The following TXNDC16 variants were observed in gnomAD, a reference collection of about 807,000 sequenced individuals.
The protein encoded by TXNDC16 is thioredoxin domain containing 16, also known as thioredoxin domain-containing protein 16.
TXNDC16 carries 74 observed loss-of-function variants against 85.6 expected under a neutral mutation model. The observed-to-expected ratio is 0.86, with a 90% CI of 0.72 to 1.05. TXNDC16 has a LOEUF of 1.05. TXNDC16 is among the 50% of genes least tolerant of loss of function. The pLI is 0.00. For synonymous variants in TXNDC16, 335 were observed against 326.5 expected (o/e 1.03, Z -0.28); for missense variants, 959 against 947.0 (o/e 1.01, Z -0.17).
rs185547792 is a variant in TXNDC16, at chr14:52,452,600, T to C, written c.1842+2724A>G. Among the ~76,000 whole-genome samples, 4 of 152,268 alleles carry C rather than the reference T, an allele frequency of 2.6e-5. No individual in the cohort carries two copies. The East Asian group carries it at 7.7e-4, about 29-fold the overall frequency. On this transcript the variant is annotated intron_variant, in intron 18 of 20. Transcript: ENST00000281741. ...ATTGGGGAAAGAATAATTTCTTCAA[T>C]AAATGGTGCTGGGAAAATTGGATAT...
chr14:52,520,268 C>G (rs904746023), intron 6 of TXNDC16, among the ~76,000 whole-genome samples: 1 of 152,202 alleles, frequency 6.6e-6, no homozygotes, highest in Admixed American at 6.5e-5. Context: ...TCCGAATCAT[C>G]CTTTCAGTGT....
intron 16 of TXNDC16, among the ~76,000 whole-genome samples, chr14:52,457,542 G>A (rs188602388): frequency 6.6e-6 from 1 of 152,278 alleles, no homozygotes; most frequent in African/African-American, 2.4e-5. Context: ...GAAAAGAGAA[G>A]TAGGTATGTG....
intron 16 of TXNDC16, among the ~76,000 whole-genome samples, chr14:52,458,992 C>T (rs1482180204): frequency 6.6e-6 from 1 of 152,134 alleles, no homozygotes; most frequent in Non-Finnish European, 1.5e-5. Flanking sequence ...CATTCAAAAC[C>T]AGGCATATTC....
chr14:52,485,977 T>C (rs981332033), intron 12 of TXNDC16, among the ~76,000 whole-genome samples: 1 of 152,196 alleles, frequency 6.6e-6, no homozygotes, highest in Non-Finnish European at 1.5e-5. Context: ...AATGTTCAAC[T>C]CTTGTGAAGC....
Position 52,542,403 on chromosome 14 carries a change from G to T in TXNDC16, c.211C>A (p.Pro71Thr), listed in dbSNP as rs752515574. The change falls in exon 4 of 21, where the codon CCT becomes ACT. Residue 71 changes from proline to threonine, a missense_variant. Pro to Thr is a conservative substitution (Grantham distance 38). Transcript: ENST00000281741. ...ACTGAAATTCCATAGTCCTGCAGAG[G>T]TCTAACAGCCTCATTCAGTTCTTCA... ...FLEELNEAVR[P>T]LQDYGISVAK... The T allele has an allele frequency of 6.2e-7, 1 of 1,612,428 alleles. No homozygotes were observed. Among genetic ancestry groups the T allele is most frequent in the African/African-American group, 1.3e-5 (1 of 74,944 alleles).
intron 16 of TXNDC16, among the ~76,000 whole-genome samples, chr14:52,457,978 T>C (rs1483165028): frequency 6.6e-6 from 1 of 152,156 alleles, no homozygotes; most frequent in African/African-American, 2.4e-5. Flanking sequence ...ATTCAATTCA[T>C]ACATGAAAGA....
chr14:52,462,742 C>G, intron 16 of TXNDC16: 1 of 351,518 alleles, frequency 2.8e-6, no homozygotes, highest in Non-Finnish European at 5.5e-6. Context: ...TTAGAGAGTC[C>G]TCATTTTTAA....
intron 10 of TXNDC16, 31 bp from the exon 11 acceptor site, chr14:52,490,482 T>C (rs1177093472): frequency 6.5e-7 from 1 of 1,527,192 alleles, no homozygotes; most frequent in Non-Finnish European, 8.9e-7. Flanking sequence ...ATGTTTTATG[T>C]TGCTAATCTG....
chr14:52,517,867 G>A (rs72684240), intron 7 of TXNDC16, among the ~76,000 whole-genome samples: 16,954 of 152,028 alleles, frequency 0.11, 1,219 homozygotes, highest in East Asian at 0.37. Context: ...ACAAGTCTCC[G>A]TGTTCGGCCT....
At chr14:52,517,060 A>G (rs2037099989) in intron 7 of TXNDC16, among the ~76,000 whole-genome samples, 1 of 152,020 alleles carries the variant, frequency 6.6e-6, no homozygotes, top group African/African-American at 2.4e-5. Context: ...AATCCCCTCC[A>G]TAATTTCCCT....
At chr14:52,439,682 C>T (rs532170153) in intron 19 of TXNDC16, among the ~76,000 whole-genome samples, 2 of 152,158 alleles carry the variant, frequency 1.3e-5, no homozygotes, top group Non-Finnish European at 2.9e-5. Context: ...TTAGGCTTGA[C>T]GCAACCAGTA....
At chr14:52,481,573 T>A (rs1038390011) in intron 14 of TXNDC16, among the ~76,000 whole-genome samples, 2 of 152,188 alleles carry the variant, frequency 1.3e-5, no homozygotes, top group African/African-American at 4.8e-5. Flanking sequence ...TAAGCTGATA[T>A]AAGGCACACT....
intron 17 of TXNDC16, 52 bp from the exon 18 acceptor site, chr14:52,455,514 A>C (rs1336010024): frequency 6.2e-7 from 1 of 1,605,902 alleles, no homozygotes; most frequent in African/African-American, 1.3e-5. Flanking sequence ...GCATGTCAAA[A>C]ACATGAAAAT....
intron 12 of TXNDC16, among the ~76,000 whole-genome samples, chr14:52,484,881 C>CA (rs957049256): frequency 1.3e-4 from 19 of 145,606 alleles, no homozygotes; most frequent in Admixed American, 4.8e-4. Context: ...AACTCTGTCT[C>CA]AAAAAAAAAG....
At chr14:52,483,587 G>C (rs1464822813) in intron 12 of TXNDC16, among the ~76,000 whole-genome samples, 55 of 152,196 alleles carry the variant, frequency 3.6e-4, no homozygotes, top group Admixed American at 3.6e-3. Flanking sequence ...AGATGGGGCT[G>C]AAAGAATAAA....
intron 1 of TXNDC16, among the ~76,000 whole-genome samples, chr14:52,547,690 C>A (rs570772352): frequency 3.3e-5 from 5 of 152,282 alleles, no homozygotes; most frequent in African/African-American, 1.2e-4. Flanking sequence ...TTATCTCTCC[C>A]AGCACTGCCT....
Position 52,511,243 on chromosome 14 carries a change from C to T in TXNDC16, c.753G>A (p.Leu251=), listed in dbSNP as rs1395679893. The part of the protein sequence containing the change: ...HLFIKTMKAP[L]LTEVAEDPQQ... ...AAATATAAAATAAGACACATACCAA[C>T]AGAGGTGCTTTCATTGTCTTAATAA... Residue 251 remains leucine, a synonymous_variant, in exon 9 of 21, where the codon CTG becomes CTA. Coordinates refer to ENST00000281741, the MANE Select transcript of TXNDC16 (RefSeq NM_020784.3). 2 of 1,564,620 alleles carry T rather than the reference C, an allele frequency of 1.3e-6. No homozygotes were observed. Among genetic ancestry groups the T allele is most frequent in the Non-Finnish European group, 1.7e-6 (2 of 1,151,224 alleles).
intron 16 of TXNDC16, among the ~76,000 whole-genome samples, chr14:52,461,574 G>A (rs1005812560): frequency 1.3e-5 from 2 of 152,114 alleles, no homozygotes; most frequent in African/African-American, 2.4e-5. Flanking sequence ...GTACCCATGT[G>A]GCACCTGATG....
intron 1 of TXNDC16, among the ~76,000 whole-genome samples, chr14:52,549,732 G>A (rs574222061): frequency 6.7e-5 from 10 of 150,266 alleles, no homozygotes; most frequent in South Asian, 4.2e-4. Flanking sequence ...CTGCCTCCCC[G>A]GTTCATGCCA....
Sources: gnomAD v4.1 joint callset for allele counts (sites outside exome capture counted in the v4.1 genomes callset) on GRCh38, gnomAD v4.1.1 for gene constraint, MANE v1.5 for transcripts, NCBI Gene and HGNC (gene_info 2026-07-23, HGNC 2026-07-21) for gene names.